Variants in LINGO2 observed in about 807,000 individuals in gnomAD.
LINGO2 encodes the protein leucine-rich repeat and immunoglobulin-like domain-containing nogo receptor-interacting protein 2.
LINGO2 carries 14 observed loss-of-function variants against 30.6 expected under a neutral mutation model. The ratio of observed to expected loss-of-function variants is 0.46; its 90% CI spans 0.30 to 0.72. LINGO2 has a LOEUF of 0.72. LINGO2 is among the 30% of genes least tolerant of loss of function. The pLI, the probability that LINGO2 is intolerant of heterozygous loss-of-function variation, is 0.07. For synonymous variants in LINGO2, 317 were observed against 288.5 expected (o/e 1.10, Z -1.00); for missense variants, 729 against 751.7 (o/e 0.97, Z 0.35).
intron 4 of LINGO2, among the ~76,000 whole-genome samples, chr9:28,039,834 G>T (rs1824116476): frequency 6.6e-6 from 1 of 152,136 alleles, no homozygotes; most frequent in East Asian, 1.9e-4. Context: ...TTAGGCTTAT[G>T]AGAATTTCCA....
the LINGO2 span, among the ~76,000 whole-genome samples, chr9:28,998,619 C>A: frequency 1.3e-5 from 2 of 151,844 alleles, no homozygotes; most frequent in African/African-American, 4.8e-5. Context: ...AAAATAGAAT[C>A]GGTACATCCT....
chr9:28,590,858 T>C (rs1031362934), intron 1 of LINGO2, among the ~76,000 whole-genome samples: 9 of 152,040 alleles, frequency 5.9e-5, no homozygotes, highest in African/African-American at 1.7e-4. Flanking sequence ...TACATGCACA[T>C]GTATGTTTAT....
At chr9:28,756,352 T>C in the LINGO2 span, among the ~76,000 whole-genome samples, 2 of 152,076 alleles carry the variant, frequency 1.3e-5, no homozygotes, top group African/African-American at 2.4e-5. Context: ...CCTCAATGTG[T>C]CTTGTAAGTA....
At chr9:28,515,155 C>T (rs566819041) in intron 1 of LINGO2, among the ~76,000 whole-genome samples, 5 of 152,046 alleles carry the variant, frequency 3.3e-5, no homozygotes, top group Non-Finnish European at 5.9e-5. Context: ...CTGCAGTCCA[C>T]GGATCAAGGA....
At chr9:28,240,732 G>C (rs181496555) in intron 4 of LINGO2, among the ~76,000 whole-genome samples, 2 of 152,192 alleles carry the variant, frequency 1.3e-5, no homozygotes, top group East Asian at 3.9e-4. Context: ...ATTGGTCTGG[G>C]CAAAAATTTC....
rs1405217938 is a variant in LINGO2 at position 28,148,093 on chromosome 9, T to C, written c.-86-135688A>G. The stretch of plus-strand genomic sequence containing the variant: ...ATGAGGCCTTCCCAGCTGGCCGGGC[T>C]AACCCCGCGGCTCCTGCACCTGTGC... On this transcript the variant is annotated intron_variant, in intron 4 of 5. Coordinates refer to ENST00000379992, the Ensembl canonical transcript of LINGO2. This position sits in a 1 kb window ranked among gnomAD's most constrained non-coding sequence, Gnocchi z 5.1. 1 of 1,114,660 alleles carries C rather than the reference T, an allele frequency of 9.0e-7. No individual in the cohort carries two copies. Among genetic ancestry groups the C allele is most frequent in the Non-Finnish European group, 1.1e-6 (1 of 887,554 alleles). The allele number at this position is 1,114,660 out of a possible 1,614,324, so 69.0% of individuals were successfully genotyped here.
the LINGO2 span, among the ~76,000 whole-genome samples, chr9:28,787,491 T>A: frequency 6.6e-6 from 1 of 152,124 alleles, no homozygotes; most frequent in African/African-American, 2.4e-5. Context: ...AAAACCTATT[T>A]CCTCAAAAAG....
At chr9:29,140,048 G>A in the LINGO2 span, among the ~76,000 whole-genome samples, 2 of 152,096 alleles carry the variant, frequency 1.3e-5, no homozygotes, top group Non-Finnish European at 2.9e-5. Context: ...AAAGGTTTGG[G>A]AAGCCCTCAG....
At chr9:28,951,682 G>T in the LINGO2 span, among the ~76,000 whole-genome samples, 1 of 152,064 alleles carries the variant, frequency 6.6e-6, no homozygotes, top group Admixed American at 6.6e-5. Flanking sequence ...GTGTGATATA[G>T]AGATCTACGA....
At chr9:28,456,541 A>G (rs1824853335) in intron 2 of LINGO2, among the ~76,000 whole-genome samples, 1 of 152,174 alleles carries the variant, frequency 6.6e-6, no homozygotes. Context: ...AGAGCTTTGT[A>G]CCATTCTGAC....
intron 1 of LINGO2, among the ~76,000 whole-genome samples, chr9:28,634,009 C>T (rs930362462): frequency 2.6e-5 from 4 of 152,092 alleles, no homozygotes; most frequent in African/African-American, 9.7e-5. Context: ...GTTTGTTAAG[C>T]AGAGACCAAG....
chr9:28,355,618 GGACA>G (rs949151839), intron 3 of LINGO2, among the ~76,000 whole-genome samples: 5 of 152,014 alleles, frequency 3.3e-5, no homozygotes, highest in Admixed American at 1.3e-4. Flanking sequence ...CTTCACAGGT[GGACA>G]GAGATCCCTA....
chr9:28,970,749 G>C, the LINGO2 span, among the ~76,000 whole-genome samples: 1 of 152,150 alleles, frequency 6.6e-6, no homozygotes, highest in Admixed American at 6.5e-5. Flanking sequence ...TGCGATCCTT[G>C]ACACAATAGG....
At chr9:28,111,483 A>C (rs1157561615) in intron 4 of LINGO2, among the ~76,000 whole-genome samples, 1 of 152,114 alleles carries the variant, frequency 6.6e-6, no homozygotes, top group East Asian at 1.9e-4. Context: ...TTGTACAGAA[A>C]AAAAGGCTCT....
chr9:28,314,396 C>A (rs899854795), intron 3 of LINGO2, among the ~76,000 whole-genome samples: 1 of 152,178 alleles, frequency 6.6e-6, no homozygotes, highest in Non-Finnish European at 1.5e-5. Flanking sequence ...AAATCAGAGT[C>A]AGTAAATTTT....
intron 1 of LINGO2, among the ~76,000 whole-genome samples, chr9:28,532,482 T>A (rs565068733): frequency 6.6e-6 from 1 of 152,290 alleles, no homozygotes; most frequent in Admixed American, 6.5e-5. Context: ...TTGTCACTTT[T>A]ATTTGTTACA....
intron 2 of LINGO2, among the ~76,000 whole-genome samples, chr9:28,393,437 G>A (rs1435315796): frequency 6.6e-6 from 1 of 152,316 alleles, no homozygotes; most frequent in African/African-American, 2.4e-5. Context: ...AGACTGAACA[G>A]GCAGTACTTA....
intron 4 of LINGO2, among the ~76,000 whole-genome samples, chr9:28,125,481 T>C (rs1337997353): frequency 6.6e-6 from 1 of 152,198 alleles, no homozygotes; most frequent in Admixed American, 6.5e-5. Flanking sequence ...GGACATAAAG[T>C]ATGGTAGAAT....
intron 1 of LINGO2, among the ~76,000 whole-genome samples, chr9:28,612,686 A>G (rs1425638836): frequency 6.6e-6 from 1 of 152,138 alleles, no homozygotes; most frequent in African/African-American, 2.4e-5. Context: ...TTTTGATTTT[A>G]CAGGCTTGTA....
Sources: gnomAD v4.1 joint callset for allele counts (sites outside exome capture counted in the v4.1 genomes callset) on GRCh38, gnomAD v4.1.1 for gene constraint, Gnocchi (gnomAD v3.1) non-coding constraint, MANE v1.5 for transcripts, NCBI Gene and HGNC (gene_info 2026-07-23, HGNC 2026-07-21) for gene names.